RTN1: variants seen among roughly 807,000 people sequenced by gnomAD.
RTN1 encodes reticulon 1.
In RTN1, 25 loss-of-function variants were observed where a neutral mutation model predicts 65.5. The observed-to-expected ratio is 0.38, with a 90% CI of 0.28 to 0.53. RTN1 has a LOEUF of 0.53. Among genes scored for constraint, RTN1 ranks in the 20% least tolerant of loss-of-function variants. The probability of loss-of-function intolerance (pLI) is 0.79; values close to 1 mark genes in which losing one functional copy is unlikely to be tolerated. For synonymous variants in RTN1, 471 were observed against 447.6 expected (o/e 1.05, Z -0.66); for missense variants, 983 against 1,025.4 (o/e 0.96, Z 0.57).
At position 59,749,360 on chromosome 14, in the gene RTN1, ATATATATATC is replaced by A. The variant is rs1566711631; in HGVS notation, c.242-2889_242-2880del. ...TATCTATATATATCTATATATATCTATATATATATCTATATATCTATATCTATATATATCT... is the reference window on the plus strand; with the variant it reads ...TATCTATATATATCTATATATATCTATATATATCTATATCTATATATATCT... On this transcript the variant is annotated intron_variant, in intron 1 of 8. Transcript: ENST00000267484. Among the ~76,000 whole-genome samples the A allele has an allele frequency of 3.0e-4, 8 of 26,886 alleles. 3 individuals carry two copies. The highest frequency in any genetic ancestry group is 1.2e-3 in the Admixed American group (2 of 1,656). The allele number at this position is 26,886 out of a possible 152,430, so 17.6% of individuals were successfully genotyped here. A position where few individuals can be genotyped will look rare whatever the true frequency, so the allele number is the denominator to read the frequency against.
chr14:59,668,246 C>T lies in RTN1; in HGVS notation c.1765+58673G>A, dbSNP rs370908811. ...AACCAAGACAGCATGGTACTGGTAC[C>T]AAAACAGATTTATAGACCAATGGAA... On this transcript the variant is annotated intron_variant, in intron 3 of 8. Coordinates refer to ENST00000267484, the MANE Select transcript of RTN1 (RefSeq NM_021136.3). Among the ~76,000 whole-genome samples, 18 of 152,142 alleles carry T rather than the reference C, an allele frequency of 1.2e-4. 2 individuals carry two copies. The highest frequency in any genetic ancestry group is 7.2e-4 in the Admixed American group (11 of 15,264).
rs1431836519 is a variant in RTN1, at chr14:59,870,103, G to A, written c.241+287C>T. On this transcript the variant is annotated intron_variant, in intron 1 of 8. Coordinates refer to ENST00000267484, the MANE Select transcript of RTN1 (RefSeq NM_021136.3). This position sits in a 1 kb window ranked among gnomAD's most constrained non-coding sequence, Gnocchi z 5.1. ...TTGTACCCAGACTCGCCAGCAGCCA[G>A]AATGCTGCTGTTTGCCTATGAGAAC... 6.6e-6 allele frequency among the ~76,000 whole-genome samples: 1 copy of A among 152,240 alleles called. No homozygotes were observed. Among genetic ancestry groups the A allele is most frequent in the Non-Finnish European group, 1.5e-5 (1 of 68,040 alleles).
At chr14:59,724,105 C>A (rs1566699179) in intron 3 of RTN1, among the ~76,000 whole-genome samples, 1 of 151,994 alleles carries the variant, frequency 6.6e-6, no homozygotes, top group South Asian at 2.1e-4. Context: ...ATGTTTATAA[C>A]AGGTCATCCT....
intron 2 of RTN1, among the ~76,000 whole-genome samples, chr14:59,745,328 CT>C (rs1885194233): frequency 1.3e-5 from 2 of 152,136 alleles, no homozygotes; most frequent in Admixed American, 1.3e-4. Context: ...ACAAAACAGA[CT>C]AAGACAACCC....
chr14:59,819,894 G>T (rs371222367), intron 1 of RTN1, among the ~76,000 whole-genome samples: 1 of 152,170 alleles, frequency 6.6e-6, no homozygotes, highest in East Asian at 1.9e-4. Flanking sequence ...CGCCCACCCA[G>T]AACTCAGCCC....
chr14:59,721,117 C>T (rs1439058278), intron 3 of RTN1, among the ~76,000 whole-genome samples: 3 of 151,966 alleles, frequency 2.0e-5, no homozygotes, highest in Non-Finnish European at 4.4e-5. Flanking sequence ...AAAGTGATAA[C>T]AAACATCATA....
At chr14:59,665,839 AAAG>A (rs1406383719) in intron 3 of RTN1, among the ~76,000 whole-genome samples, 1 of 152,214 alleles carries the variant, frequency 6.6e-6, no homozygotes, top group Admixed American at 6.5e-5. Context: ...CAAAAGAGAC[AAAG>A]AAGGCCATTA....
At chr14:59,768,199 C>T (rs1239206083) in intron 1 of RTN1, among the ~76,000 whole-genome samples, 4 of 152,152 alleles carry the variant, frequency 2.6e-5, no homozygotes, top group Non-Finnish European at 4.4e-5. Flanking sequence ...TCTCTGTATT[C>T]CTAGCACAGT....
intron 3 of RTN1, among the ~76,000 whole-genome samples, chr14:59,675,434 C>A (rs1883603932): frequency 1.4e-5 from 1 of 72,352 alleles, no homozygotes; most frequent in Non-Finnish European, 3.1e-5. Context: ...TATTTGAGAC[C>A]TATAGGACTT....
At chr14:59,856,577 G>C (rs550326591) in intron 1 of RTN1, among the ~76,000 whole-genome samples, 1 of 152,192 alleles carries the variant, frequency 6.6e-6, no homozygotes, top group African/African-American at 2.4e-5. Flanking sequence ...CACTCATCAG[G>C]ACATGGGAAA....
chr14:59,736,288 A>G (rs1885000499), intron 2 of RTN1, among the ~76,000 whole-genome samples: 1 of 152,166 alleles, frequency 6.6e-6, no homozygotes, highest in East Asian at 1.9e-4. Flanking sequence ...AGCTAGACTA[A>G]TACAGAAGAA....
chr14:59,794,769 A>G lies in RTN1; in HGVS notation c.242-48288T>C, dbSNP rs929590590. On this transcript the variant is annotated intron_variant, in intron 1 of 8. Coordinates refer to ENST00000267484, the MANE Select transcript of RTN1 (RefSeq NM_021136.3). The surrounding 1 kb of genome is among the most constrained non-coding windows in gnomAD (Gnocchi z 5.1). Reference sequence around the variant, plus strand: ...CTTTTCTTTTCAGGGAACAATTCAGAAGTAGCATACATCACTTGTAGTCAT... The same window carrying G: ...CTTTTCTTTTCAGGGAACAATTCAGGAGTAGCATACATCACTTGTAGTCAT... Among the ~76,000 whole-genome samples, 2 of 148,288 alleles carry G rather than the reference A, an allele frequency of 1.3e-5. No individual in the cohort carries two copies. Among genetic ancestry groups the G allele is most frequent in the African/African-American group, 2.6e-5 (1 of 39,180 alleles).
chr14:59,778,979 AC>A, intron 1 of RTN1, among the ~76,000 whole-genome samples: 1 of 152,254 alleles, frequency 6.6e-6, no homozygotes, highest in Admixed American at 6.5e-5. Flanking sequence ...GGGAGATCTG[AC>A]CTGATTTCAG....
At chr14:59,813,849 A>G (rs987539054) in intron 1 of RTN1, among the ~76,000 whole-genome samples, 1 of 152,240 alleles carries the variant, frequency 6.6e-6, no homozygotes, top group African/African-American at 2.4e-5. Context: ...TAAAATACAA[A>G]TGAATGTATA....
At chr14:59,636,701 C>T (rs1410249375) in intron 3 of RTN1, among the ~76,000 whole-genome samples, 1 of 152,138 alleles carries the variant, frequency 6.6e-6, no homozygotes, top group Non-Finnish European at 1.5e-5. Flanking sequence ...TTTGAGACCA[C>T]TACAATGAAG....
At chr14:59,618,157 G>A (rs1171546785) in intron 3 of RTN1, among the ~76,000 whole-genome samples, 2 of 152,210 alleles carry the variant, frequency 1.3e-5, no homozygotes, top group Middle Eastern at 3.2e-3. Context: ...GACAGTAACA[G>A]CCCTTTCCCA....
At chr14:59,625,818 A>C in intron 3 of RTN1, among the ~76,000 whole-genome samples, 1 of 152,292 alleles carries the variant, frequency 6.6e-6, no homozygotes, top group Non-Finnish European at 1.5e-5. Context: ...GTTTTTCTTG[A>C]AAATGTTAAT....
At chr14:59,680,277 C>G (rs897055975) in intron 3 of RTN1, among the ~76,000 whole-genome samples, 1 of 152,062 alleles carries the variant, frequency 6.6e-6, no homozygotes, top group Admixed American at 6.5e-5. Flanking sequence ...AAGGAAAGAG[C>G]AATCCCTCTT....
intron 3 of RTN1, among the ~76,000 whole-genome samples, chr14:59,689,371 C>G (rs138103102): frequency 6.6e-6 from 1 of 152,122 alleles, no homozygotes; most frequent in Non-Finnish European, 1.5e-5. Context: ...AGTCAACAAT[C>G]TAGAAAACAT....
Sources: allele counts gnomAD v4.1 joint callset (sites outside exome capture counted in the v4.1 genomes callset), GRCh38; gene constraint gnomAD v4.1.1; non-coding constraint Gnocchi (gnomAD v3.1); transcripts MANE v1.5; gene names NCBI Gene and HGNC (gene_info 2026-07-23, HGNC 2026-07-21).